The following TRPM4 variants were observed in gnomAD, a reference collection of about 807,000 sequenced individuals.
The protein encoded by TRPM4 is calcium-activated non-selective cation channel 1.
In TRPM4, 124 loss-of-function variants were observed where a neutral mutation model predicts 135.6. That is an observed-to-expected ratio of 0.91 (90% CI 0.79 to 1.06). TRPM4 has a LOEUF of 1.06. Among genes scored for constraint, TRPM4 ranks in the 50% least tolerant of loss-of-function variants. TRPM4 has a pLI of 0.00. For synonymous variants in TRPM4, 745 were observed against 705.6 expected (o/e 1.06, Z -0.88); for missense variants, 1,658 against 1,671.4 (o/e 0.99, Z 0.14).
intron 12 of TRPM4, among the ~76,000 whole-genome samples, chr19:49,187,588 A>G (rs781429570): frequency 1.1e-4 from 17 of 152,110 alleles, no homozygotes; most frequent in Non-Finnish European, 1.6e-4. Flanking sequence ...GGCTCAAGCA[A>G]TCCTCCTCAT....
chr19:49,210,058 C>T lies in TRPM4; in HGVS notation c.3132-151C>T, dbSNP rs1008622710. Reference sequence around the variant, plus strand: ...CCAAACGCCCTTGGCTCTAACCTGACTTCTAATCGCATCCTGTAACCTCTG... The same window carrying T: ...CCAAACGCCCTTGGCTCTAACCTGATTTCTAATCGCATCCTGTAACCTCTG... On this transcript the variant is annotated intron_variant, in intron 20 of 24. Transcript: ENST00000252826. The surrounding 1 kb of genome is among the most constrained non-coding windows in gnomAD (Gnocchi z 4.1). The T allele has an allele frequency of 2.2e-5, 20 of 917,254 alleles. No homozygotes were observed. Among genetic ancestry groups the T allele is most frequent in the African/African-American group, 3.3e-5 (2 of 61,358 alleles). The allele number at this position is 917,254 out of a possible 1,614,324, so 56.8% of individuals were successfully genotyped here. A position where few individuals can be genotyped will look rare whatever the true frequency, so the allele number is the denominator to read the frequency against.
intron 17 of TRPM4, among the ~76,000 whole-genome samples, chr19:49,197,473 C>CTCCCTCCTTCCTTCCT (rs146216485): frequency 8.7e-6 from 1 of 114,856 alleles, no homozygotes; most frequent in African/African-American, 3.4e-5. Flanking sequence ...GCCTCCCTCC[C>CTCCCTCCTTCCTTCCT]TCCTTCCTTC....
chr19:49,190,107 A>T lies in TRPM4; in HGVS notation c.2020-101A>T, dbSNP rs571141233. 35 of 959,160 alleles carry T rather than the reference A, an allele frequency of 3.6e-5. No homozygotes were observed. The South Asian group carries it at 4.3e-4, about 12-fold the overall frequency. The allele number at this position is 959,160 out of a possible 1,614,324, so 59.4% of individuals were successfully genotyped here. A position where few individuals can be genotyped will look rare whatever the true frequency, so the allele number is the denominator to read the frequency against. On this transcript the variant is annotated intron_variant, in intron 14 of 24. Coordinates refer to ENST00000252826, the MANE Select transcript of TRPM4 (RefSeq NM_017636.4). Reference sequence around the variant, plus strand: ...AATAGTTGTGGCTGTGACATTGGGCACTTGCTCTGTACTCTGGAGCTGCAG... The same window carrying T: ...AATAGTTGTGGCTGTGACATTGGGCTCTTGCTCTGTACTCTGGAGCTGCAG...
intron 9 of TRPM4, among the ~76,000 whole-genome samples, chr19:49,173,511 G>A (rs185935392): frequency 3.3e-5 from 5 of 152,270 alleles, no homozygotes; most frequent in Admixed American, 2.0e-4. Context: ...TATACATGAA[G>A]CACTCTGGCT....
chr19:49,187,195 G>GTT (rs574534855), intron 12 of TRPM4, among the ~76,000 whole-genome samples: 1,607 of 142,098 alleles, frequency 0.011, 15 homozygotes, highest in South Asian at 0.029. Context: ...GCATTTTCTT[G>GTT]TTTTTTTTTT....
intron 9 of TRPM4, among the ~76,000 whole-genome samples, chr19:49,177,431 G>A (rs553140921): frequency 4.7e-5 from 7 of 150,508 alleles, no homozygotes; most frequent in Admixed American, 1.3e-4. Flanking sequence ...GGGTTCAAGC[G>A]ATTGTCCTGC....
intron 4 of TRPM4, 69 bp from the exon 5 acceptor site, chr19:49,168,191 T>TGC (rs1374880743): frequency 1.9e-6 from 3 of 1,606,114 alleles, no homozygotes; most frequent in Non-Finnish European, 2.6e-6. Context: ...GCCCAGTGTG[T>TGC]GTGTGTGTCT....
chr19:49,193,521 C>T (rs1313058434), intron 16 of TRPM4, among the ~76,000 whole-genome samples: 4 of 152,128 alleles, frequency 2.6e-5, no homozygotes, highest in Non-Finnish European at 4.4e-5. Context: ...GATTTGATCC[C>T]AGATCCTCTT....
chr19:49,182,038 ATTTGT>A (rs1967949603), intron 10 of TRPM4, among the ~76,000 whole-genome samples: 1 of 147,800 alleles, frequency 6.8e-6, no homozygotes, highest in African/African-American at 2.5e-5. Flanking sequence ...CCATCCATCC[ATTTGT>A]CCATCCATCC....
intron 20 of TRPM4, among the ~76,000 whole-genome samples, chr19:49,202,913 C>T (rs530045284): frequency 1.4e-4 from 18 of 128,538 alleles, no homozygotes; most frequent in Admixed American, 1.2e-3. Context: ...GACGGAGTCT[C>T]GCTGTGTCAC....
Position 49,171,421 on chromosome 19 carries a change from A to G in TRPM4, c.858+3A>G, listed in dbSNP as rs1967449396. The G allele has an allele frequency of 6.2e-7, 1 of 1,614,050 alleles. No individual in the cohort carries two copies. The highest frequency in any genetic ancestry group is 8.5e-7 in the Non-Finnish European group (1 of 1,180,012). On this transcript the variant is annotated splice_donor_region_variant and intron_variant, in intron 7 of 24. Coordinates refer to ENST00000252826, the MANE Select transcript of TRPM4 (RefSeq NM_017636.4). The surrounding 1 kb of genome is among the most constrained non-coding windows in gnomAD (Gnocchi z 4.7). ...ATGGTGATGAGAAGATGTTGACGGTATAGGGGCCCGGATGCCCGGATCTAA... is the reference window on the plus strand; with the variant it reads ...ATGGTGATGAGAAGATGTTGACGGTGTAGGGGCCCGGATGCCCGGATCTAA...
chr19:49,185,527 C>T (rs977317347), intron 12 of TRPM4, among the ~76,000 whole-genome samples: 6 of 152,134 alleles, frequency 3.9e-5, no homozygotes, highest in African/African-American at 1.2e-4. Context: ...AGGTGTGAGC[C>T]ACCATGCCTG....
rs764385592 is a variant in TRPM4, at chr19:49,183,106, C to T, written c.1637C>T (p.Ser546Leu). The part of the protein sequence containing the change: ...SMYLLSDKAT[S>L]PLSLDAGLGQ... ...TATCTGCTCTCGGACAAGGCCACCT[C>T]GCCGCTCTCGCTGGATGCTGGCCTC... is the stretch of plus-strand genomic sequence containing the variant. The change falls in exon 12 of 25, where the codon TCG becomes TTG. Residue 546 changes from serine (S) to leucine (L), a missense_variant. Physicochemically the swap from Ser to Leu is moderately radical, Grantham distance 145. This residue lies in a region of TRPM4 where 1,412 missense variants were observed against 1,408.7 expected (regional missense o/e 1.00). Transcript: ENST00000252826. 3.7e-6 allele frequency: 6 copies of T among 1,613,206 alleles called. No homozygotes were observed. In the East Asian group the frequency reaches 6.7e-5, roughly 18 times the overall value.
chr19:49,200,550 A>G, intron 18 of TRPM4, 61 bp from the exon 19 acceptor site: 4 of 1,600,948 alleles, frequency 2.5e-6, no homozygotes, highest in Non-Finnish European at 3.4e-6. Context: ...TGTTTTTGGG[A>G]TATAGGGGTG....
chr19:49,174,846 A>G (rs1967614583), intron 9 of TRPM4, among the ~76,000 whole-genome samples: 1 of 151,384 alleles, frequency 6.6e-6, no homozygotes, highest in African/African-American at 2.4e-5. Flanking sequence ...ACAGATAAGT[A>G]TTCAGGAAGA....
chr19:49,163,201 T>A (rs11879800), intron 2 of TRPM4, among the ~76,000 whole-genome samples: 8,124 of 44,062 alleles, frequency 0.18, 560 homozygotes, highest in African/African-American at 0.26. Context: ...TATTATTATT[T>A]TTTTTTTTTT....
intron 12 of TRPM4, 59 bp downstream of exon 12, chr19:49,183,271 TC>T: frequency 6.2e-7 from 1 of 1,609,924 alleles, no homozygotes; most frequent in Non-Finnish European, 8.5e-7. Flanking sequence ...ATGCCAGTGT[TC>T]CCGAAACAAT....
chr19:49,179,748 C>T (rs910735149), intron 9 of TRPM4, among the ~76,000 whole-genome samples: 7 of 152,140 alleles, frequency 4.6e-5, no homozygotes, highest in Admixed American at 6.6e-5. Context: ...TGGAAAAGTC[C>T]GCTCTGAATG....
intron 20 of TRPM4, among the ~76,000 whole-genome samples, chr19:49,205,035 T>C (rs1371961492): frequency 6.9e-6 from 1 of 145,796 alleles, no homozygotes; most frequent in Non-Finnish European, 1.5e-5. Context: ...TTGCCCAGGC[T>C]GATCTTGAAC....
Sources: allele counts gnomAD v4.1 joint callset (sites outside exome capture counted in the v4.1 genomes callset), GRCh38; gene constraint gnomAD v4.1.1; regional missense constraint gnomAD v4.1.1; non-coding constraint Gnocchi (gnomAD v3.1); transcripts MANE v1.5; gene names NCBI Gene and HGNC (gene_info 2026-07-23, HGNC 2026-07-21).